NELL2: variants seen among roughly 807,000 people sequenced by gnomAD.
NELL2 encodes the protein protein kinase C-binding protein NELL2.
NELL2 carries 41 observed loss-of-function variants against 109.6 expected under a neutral mutation model. That is an observed-to-expected ratio of 0.37 (90% CI 0.29 to 0.49). NELL2 has a LOEUF of 0.49. NELL2 is among the 20% of genes least tolerant of loss of function. The probability of loss-of-function intolerance (pLI) is 0.98; values close to 1 mark genes in which losing one functional copy is unlikely to be tolerated. For synonymous variants in NELL2, 355 were observed against 344.7 expected (o/e 1.03, Z -0.33); for missense variants, 900 against 1,008.3 (o/e 0.89, Z 1.45).
intron 15 of NELL2, among the ~76,000 whole-genome samples, chr12:44,544,355 C>T (rs2139038646): frequency 6.6e-6 from 1 of 152,186 alleles, no homozygotes; most frequent in South Asian, 2.1e-4. Context: ...GTTATTTATC[C>T]TAGCAGCTTA....
chr12:44,866,498 T>G (rs1432079304), intron 2 of NELL2, among the ~76,000 whole-genome samples: 2 of 152,108 alleles, frequency 1.3e-5, no homozygotes, highest in African/African-American at 4.8e-5. Flanking sequence ...GAGGTAAGTT[T>G]ATAGCAACAA....
At chr12:44,879,750 A>G (rs961774519), upstream of NELL2, among the ~76,000 whole-genome samples, 7 of 152,020 alleles carry the variant, frequency 4.6e-5, 1 homozygote, top group African/African-American at 7.3e-5. Flanking sequence ...GAAGAATTAT[A>G]TCTCCTACAA....
intron 13 of NELL2, among the ~76,000 whole-genome samples, chr12:44,636,776 A>G (rs1321348109): frequency 6.6e-6 from 1 of 152,126 alleles, no homozygotes; most frequent in Non-Finnish European, 1.5e-5. Flanking sequence ...AGGTTTTGGT[A>G]TCAGGATGAT....
chr12:44,632,245 C>T (rs6582512), intron 13 of NELL2, among the ~76,000 whole-genome samples: 11,751 of 152,048 alleles, frequency 0.077, 549 homozygotes, highest in Non-Finnish European at 0.1. Context: ...TGTTGTTTTC[C>T]GTTGACATCA....
At position 44,673,445 on chromosome 12, in the gene NELL2, G is replaced by T. The variant is rs759999216; in HGVS notation, c.1319-7836C>A. Among the ~76,000 whole-genome samples, 158 of 152,270 alleles carry T rather than the reference G, an allele frequency of 1.0e-3. 1 individual carries two copies. Among genetic ancestry groups the T allele is most frequent in the Non-Finnish European group, 1.3e-3 (90 of 68,022 alleles). ...TTATTGGATTTTCTGATGGCCCTAT[G>T]GGGTAGAACCACAGCGACAAGTGGA... On this transcript the variant is annotated intron_variant, in intron 12 of 19. Transcript: ENST00000429094.
At chr12:44,514,350 A>G (rs924140012) in intron 19 of NELL2, among the ~76,000 whole-genome samples, 1 of 151,930 alleles carries the variant, frequency 6.6e-6, no homozygotes, top group Non-Finnish European at 1.5e-5. Context: ...AATGGTAAAT[A>G]CGGTAGTCTT....
chr12:44,899,412 C>A (rs1322794568), intron 1 of NELL2, among the ~76,000 whole-genome samples: 1 of 152,146 alleles, frequency 6.6e-6, no homozygotes, highest in East Asian at 1.9e-4. Flanking sequence ...TACAGAGGAT[C>A]CCTCTGCAGA....
rs74081719 is a variant in NELL2 at position 44,833,155 on chromosome 12, T to G, written c.185-17019A>C. Among the ~76,000 whole-genome samples, 395 of 152,358 alleles carry G rather than the reference T, an allele frequency of 2.6e-3. 1 individual carries two copies. Among genetic ancestry groups the G allele is most frequent in the African/African-American group, 9.1e-3 (379 of 41,586 alleles). ...CAAATAAATGTTTTGCTTTTTGTTTTCTTTTGTTGTATAACATTCCTTTTT... is the reference window on the plus strand; with the variant it reads ...CAAATAAATGTTTTGCTTTTTGTTTGCTTTTGTTGTATAACATTCCTTTTT... On this transcript the variant is annotated intron_variant, in intron 2 of 19. Coordinates refer to ENST00000429094, the MANE Select transcript of NELL2 (RefSeq NM_001145108.2).
At chr12:44,524,895 TAGAGA>T (rs1417015753) in intron 16 of NELL2, among the ~76,000 whole-genome samples, 1 of 152,176 alleles carries the variant, frequency 6.6e-6, no homozygotes, top group African/African-American at 2.4e-5. Context: ...TTTTTCAGAT[TAGAGA>T]AAATTTTTCT....
intron 12 of NELL2, among the ~76,000 whole-genome samples, chr12:44,678,106 T>C (rs781683389): frequency 6.6e-6 from 1 of 152,028 alleles, no homozygotes; most frequent in Non-Finnish European, 1.5e-5. Context: ...CCTGGGGGAC[T>C]TGGACATTTA....
At chr12:44,519,513 C>T (rs1220851575) in intron 19 of NELL2, among the ~76,000 whole-genome samples, 7 of 152,162 alleles carry the variant, frequency 4.6e-5, no homozygotes, top group African/African-American at 1.7e-4. Context: ...AATGTTTCAA[C>T]TCAATGTAAC....
At chr12:44,753,444 C>T (rs560515641) in intron 9 of NELL2, among the ~76,000 whole-genome samples, 66 of 152,254 alleles carry the variant, frequency 4.3e-4, no homozygotes, top group African/African-American at 1.6e-3. Flanking sequence ...CTATTTTTCC[C>T]TCTCTGTCTT....
intron 8 of NELL2, 56 bp from the exon 9 acceptor site, chr12:44,774,905 G>C: frequency 3.0e-6 from 4 of 1,332,666 alleles, no homozygotes; most frequent in Non-Finnish European, 4.3e-6. Flanking sequence ...TAGTTTTCAA[G>C]AATTTTTGAA....
At chr12:44,509,795 G>A (rs1940902927) in intron 19 of NELL2, among the ~76,000 whole-genome samples, 1 of 152,146 alleles carries the variant, frequency 6.6e-6, no homozygotes, top group Non-Finnish European at 1.5e-5. Context: ...AATACACTAG[G>A]TGGTTGTGTG....
At chr12:44,532,418 A>C in intron 16 of NELL2, 163 bp downstream of exon 16, 1 of 181,034 alleles carries the variant, frequency 5.5e-6, no homozygotes, top group East Asian at 2.7e-4. Context: ...TAGATACCAT[A>C]ATTAGCAAGA....
Position 44,759,676 on chromosome 12 carries a change from T to C in NELL2, c.994+15071A>G, listed in dbSNP as rs201062333. On this transcript the variant is annotated intron_variant, in intron 9 of 19. Coordinates refer to ENST00000429094, the MANE Select transcript of NELL2 (RefSeq NM_001145108.2). ...GTTTTGCTACACAGTAAATGCCAACTGATAAAATGGGCTTCCAATCCTCCA... is the reference window on the plus strand; with the variant it reads ...GTTTTGCTACACAGTAAATGCCAACCGATAAAATGGGCTTCCAATCCTCCA... Among the ~76,000 whole-genome samples, 24 of 152,346 alleles carry C rather than the reference T, an allele frequency of 1.6e-4. 1 individual carries two copies. In the East Asian group the frequency reaches 2.9e-3, roughly 18 times the overall value.
intron 12 of NELL2, among the ~76,000 whole-genome samples, chr12:44,691,693 G>A (rs532049771): frequency 6.6e-6 from 1 of 152,174 alleles, no homozygotes; most frequent in Non-Finnish European, 1.5e-5. Flanking sequence ...CAGAACACAT[G>A]AATTATAGAA....
At chr12:44,707,478 C>T (rs57533444) in intron 11 of NELL2, among the ~76,000 whole-genome samples, 9,338 of 152,134 alleles carry the variant, frequency 0.061, 950 homozygotes, top group African/African-American at 0.21. Flanking sequence ...TCAAGCTACA[C>T]CTGAAGCCAA....
intron 12 of NELL2, among the ~76,000 whole-genome samples, chr12:44,677,476 T>A (rs188686314): frequency 2.0e-5 from 3 of 152,130 alleles, no homozygotes; most frequent in Admixed American, 6.6e-5. Flanking sequence ...TCCAGACATA[T>A]TCTATGCCTA....
Sources: allele counts gnomAD v4.1 joint callset (sites outside exome capture counted in the v4.1 genomes callset), GRCh38; gene constraint gnomAD v4.1.1; transcripts MANE v1.5; gene names NCBI Gene and HGNC (gene_info 2026-07-23, HGNC 2026-07-21).